The following CENPF variants were observed in gnomAD, a reference collection of about 807,000 sequenced individuals.
CENPF encodes the protein AH antigen.
A neutral mutation model predicts 307.3 loss-of-function variants in CENPF; 214 were observed. The observed-to-expected ratio is 0.70, with a 90% CI of 0.62 to 0.78. The LOEUF (loss-of-function observed/expected upper bound fraction) is 0.78. CENPF is among the 30% of genes least tolerant of loss of function. CENPF has a pLI of 0.00. For missense variants in CENPF, 3,401 were observed against 3,483.9 expected, an observed-to-expected ratio of 0.98 and a Z score of 0.60; for synonymous variants, 1,259 against 1,270.6, an observed-to-expected ratio of 0.99 and a Z score of 0.19.
At chr1:214,618,029 C>T (rs1391327346) in intron 3 of CENPF, among the ~76,000 whole-genome samples, 7 of 152,106 alleles carry the variant, frequency 4.6e-5, no homozygotes, top group African/African-American at 7.2e-5. Flanking sequence ...ACAATCATAG[C>T]GGAAGGGGAA....
intron 1 of CENPF, chr1:214,613,089 T>C (rs563739014): frequency 2.5e-5 from 8 of 317,868 alleles, no homozygotes; most frequent in African/African-American, 6.5e-5. Flanking sequence ...AGCACTGATA[T>C]GGCTTTTTGG....
intron 19 of CENPF, among the ~76,000 whole-genome samples, chr1:214,661,733 C>T (rs1406505323): frequency 6.6e-6 from 1 of 152,144 alleles, no homozygotes; most frequent in Non-Finnish European, 1.5e-5. Flanking sequence ...TAGAGCCCAT[C>T]GTGGATGGTG....
chr1:214,647,217 A>G lies in CENPF; in HGVS notation c.7647A>G (p.Gln2549=). The G allele has an allele frequency of 6.2e-6, 10 of 1,614,148 alleles. No homozygotes were observed. The highest frequency in any genetic ancestry group is 8.5e-6 in the Non-Finnish European group (10 of 1,179,984). ...TGTCCCAGGTGGAAGGAGAGCACCAACTTTGGAAGGAGCAAAACTTAGAAC... is the reference window on the plus strand; with the variant it reads ...TGTCCCAGGTGGAAGGAGAGCACCAGCTTTGGAAGGAGCAAAACTTAGAAC... ...SKLSQVEGEH[Q]LWKEQNLELR... is the part of the protein sequence containing the mutation. Residue 2549 remains glutamine, a synonymous_variant, in exon 13 of 20, where the codon CAA becomes CAG. Coordinates refer to ENST00000366955, the MANE Select transcript of CENPF (RefSeq NM_016343.4).
At chr1:214,605,670 C>T (rs576356808) in intron 1 of CENPF, 6 of 1,577,694 alleles carry the variant, frequency 3.8e-6, no homozygotes, top group East Asian at 2.3e-5. Context: ...CGGTTGGTGC[C>T]GCCGCTAGGC....
rs528175647 is a variant in CENPF, at chr1:214,647,339, A to T, written c.7769A>T (p.Tyr2590Phe). ...QDTLEVLQSS[Y>F]KNLENELELT... ...ACATTAGAAGTGCTGCAGAGTTCTT[A>T]CAAGAATCTAGAGAATGAGCTTGAA... The change falls in exon 13 of 20, where the codon TAC becomes TTC. Residue 2590 changes from tyrosine to phenylalanine, a missense_variant. Transcript: ENST00000366955. 1 of 1,613,184 alleles carries T rather than the reference A, an allele frequency of 6.2e-7. No individual in the cohort carries two copies. The highest frequency in any genetic ancestry group is 1.7e-5 in the Admixed American group (1 of 59,770).
rs1658724139 is a variant in CENPF, at chr1:214,659,062, G to A, written c.9141+34G>A. The A allele has an allele frequency of 6.2e-7, 1 of 1,610,036 alleles. No homozygotes were observed. Among genetic ancestry groups the A allele is most frequent in the South Asian group, 1.1e-5 (1 of 90,820 alleles). ...CTGTCAACATCCGTCTACTGTTTGA[G>A]ATCCAGAAAATTGCAGTAGTACCTG... On this transcript the variant is annotated intron_variant, in intron 19 of 19. Transcript: ENST00000366955. The surrounding 1 kb of genome is among the most constrained non-coding windows in gnomAD (Gnocchi z 4.4).
chr1:214,605,572 C>T (rs569234144), intron 1 of CENPF: 2 of 918,778 alleles, frequency 2.2e-6, no homozygotes, highest in Non-Finnish European at 3.3e-6. Flanking sequence ...GGAGCGGGGT[C>T]CCCTGGGCCG....
chr1:214,652,906 G>C lies in CENPF; in HGVS notation c.8239G>C (p.Asp2747His), dbSNP rs1157397745. 1 of 1,608,754 alleles carries C rather than the reference G, an allele frequency of 6.2e-7. No individual in the cohort carries two copies. The highest frequency in any genetic ancestry group is 8.5e-7 in the Non-Finnish European group (1 of 1,178,014). ...ECLSSQKLEI[D>H]LLKSSKEELN... ...TCTCAGTTCACAGAAGCTGGAGATAGACCTTTTAAAGTCTAGTAAAGAAGA... is the reference window on the plus strand; with the variant it reads ...TCTCAGTTCACAGAAGCTGGAGATACACCTTTTAAAGTCTAGTAAAGAAGA... The change falls in exon 16 of 20, where the codon GAC becomes CAC. Residue 2747 changes from aspartate to histidine, a missense_variant. By Grantham distance (81) the Asp-to-His change is moderately conservative (BLOSUM62 -1). Transcript: ENST00000366955.
At position 214,663,943 on chromosome 1, in the gene CENPF, T is replaced by C. The variant is rs149168130; in HGVS notation, c.*149T>C. The C allele has an allele frequency of 3.1e-6, 2 of 649,478 alleles. No homozygotes were observed. The highest frequency in any genetic ancestry group is 4.2e-4 in the Middle Eastern group (1 of 2,362). The allele number at this position is 649,478 out of a possible 1,614,324, so 40.2% of individuals were successfully genotyped here. A position where few individuals can be genotyped will look rare whatever the true frequency, so the allele number is the denominator to read the frequency against. On this transcript the variant is annotated 3_prime_UTR_variant, in exon 20 of 20. Transcript: ENST00000366955. ...TCTTAAATATATTGTACTCTTTAGA[T>C]CTCCCATGTGTAGGTATTGAAAAAG...
At position 214,663,915 on chromosome 1, in the gene CENPF, A is replaced by G; in HGVS notation, c.*121A>G. 1.3e-6 allele frequency: 1 copy of G among 757,412 alleles called. No individual in the cohort carries two copies. Among genetic ancestry groups the G allele is most frequent in the Non-Finnish European group, 2.1e-6 (1 of 476,588 alleles). 46.9% of individuals were successfully genotyped at this position (757,412 alleles called of 1,614,324 possible). On this transcript the variant is annotated 3_prime_UTR_variant, in exon 20 of 20. Transcript: ENST00000366955. The stretch of plus-strand genomic sequence containing the variant: ...TAGTGAGGAGAAAACAATTCCTTAG[A>G]AGTCTTAAATATATTGTACTCTTTA...
rs771302793 is a variant in CENPF, at chr1:214,642,390, A to G, written c.4052A>G (p.Asp1351Gly). Residue 1351 changes from aspartate to glycine, a missense_variant, in exon 12 of 20, where the codon GAT (aspartate) becomes GGT (glycine). Transcript: ENST00000366955. ...KLLNEVKILN[D>G]DSGLLHGELV... ...CTAAATGAAGTTAAAATATTAAATG[A>G]TGACAGTGGTCTTCTCCATGGTGAG... is the stretch of plus-strand genomic sequence containing the variant. The G allele has an allele frequency of 1.2e-6, 2 of 1,607,636 alleles. No homozygotes were observed. Among genetic ancestry groups the G allele is most frequent in the South Asian group, 1.1e-5 (1 of 89,500 alleles).
At chr1:214,649,291 GCCACTGC>G (rs1658399474) in intron 14 of CENPF, among the ~76,000 whole-genome samples, 1 of 152,194 alleles carries the variant, frequency 6.6e-6, no homozygotes, top group South Asian at 2.1e-4. Context: ...CACTTGGGCT[GCCACTGC>G]CCACTGCCAT....
At chr1:214,605,978 A>G in intron 1 of CENPF, 1 of 1,597,224 alleles carries the variant, frequency 6.3e-7, no homozygotes, top group Non-Finnish European at 8.5e-7. Flanking sequence ...CGGCGAATGC[A>G]GCACCACCGC....
chr1:214,637,917 A>T lies in CENPF; in HGVS notation c.1498A>T (p.Arg500Ter). Residue 500 changes from arginine (R) to a stop codon, truncating the protein, a stop_gained, in exon 11 of 20, where the codon AGA becomes TGA. Transcript: ENST00000366955. LOFTEE classifies it high-confidence loss of function. Reference protein sequence around the residue: ...LLKSHSEQKAREVCHLEAELK... With the variant: ...LLKSHSEQKA The stretch of plus-strand genomic sequence containing the variant: ...TAAGAGTCACTCTGAGCAAAAGGCC[A>T]GAGAAGTCTGCCACCTGGAGGCAGA... The T allele has an allele frequency of 6.2e-7, 1 of 1,613,630 alleles. No individual in the cohort carries two copies. The highest frequency in any genetic ancestry group is 8.5e-7 in the Non-Finnish European group (1 of 1,179,920).
chr1:214,633,447 G>A (rs1436839168), intron 10 of CENPF, among the ~76,000 whole-genome samples: 1 of 152,144 alleles, frequency 6.6e-6, no homozygotes. Context: ...ACACAAGAAT[G>A]GTAGAAATTT....
Position 214,614,876 on chromosome 1 carries a change from T to C in CENPF, c.207T>C (p.Asn69=). Residue 69 remains asparagine (N), a synonymous_variant, in exon 3 of 20, where the codon AAT becomes AAC. Transcript: ENST00000366955. ...KTEGTNLKRE[N]QRLMEICESL... ...AGGGTACAAACCTGAAAAGGGAGAA[T>C]CAAAGATTGATGGAAATATGTGAAA... 6.2e-7 allele frequency: 1 copy of C among 1,606,724 alleles called. No homozygotes were observed. Among genetic ancestry groups the C allele is most frequent in the Non-Finnish European group, 8.5e-7 (1 of 1,177,406 alleles).
intron 9 of CENPF, 105 bp downstream of exon 9, chr1:214,630,767 C>T: frequency 7.1e-7 from 1 of 1,400,608 alleles, no homozygotes; most frequent in Non-Finnish European, 9.6e-7. Context: ...AGAAAAAGCG[C>T]TCCACCTTCA....
Position 214,655,329 on chromosome 1 carries a change from A to G in CENPF, c.8411A>G (p.Gln2804Arg). The change falls in exon 17 of 20, where the codon CAG becomes CGG. Residue 2804 changes from glutamine (Q) to arginine (R), a missense_variant. By Grantham distance (43) the Gln-to-Arg change is conservative (BLOSUM62 1). Transcript: ENST00000366955. ...KMKLLIKSCKQLEEEKEILQK... is the reference protein window; with the variant it reads ...KMKLLIKSCKRLEEEKEILQK... ...AAGTTGTTGATCAAATCCTGTAAAC[A>G]GCTGGAAGAGGAAAAGGAGATACTG... 1 of 1,610,900 alleles carries G rather than the reference A, an allele frequency of 6.2e-7. No individual in the cohort carries two copies. Among genetic ancestry groups the G allele is most frequent in the Non-Finnish European group, 8.5e-7 (1 of 1,178,344 alleles).
chr1:214,655,537 A>G, intron 17 of CENPF, 134 bp downstream of exon 17: 2 of 729,778 alleles, frequency 2.7e-6, no homozygotes, highest in Non-Finnish European at 4.0e-6. Flanking sequence ...CCATTAATCC[A>G]TTTTCCAATT....
Sources: gnomAD v4.1 joint callset for allele counts (sites outside exome capture counted in the v4.1 genomes callset) on GRCh38, gnomAD v4.1.1 for gene constraint, Gnocchi (gnomAD v3.1) non-coding constraint, MANE v1.5 for transcripts, NCBI Gene and HGNC (gene_info 2026-07-23, HGNC 2026-07-21) for gene names.